The following SPATA16 variants were observed in gnomAD, a reference collection of about 807,000 sequenced individuals.
SPATA16 encodes the protein spermatogenesis-associated protein 16.
In SPATA16, 36 loss-of-function variants were observed where a neutral mutation model predicts 63.3. That is an observed-to-expected ratio of 0.57 (90% CI 0.44 to 0.75). The LOEUF (loss-of-function observed/expected upper bound fraction) is 0.75, where lower values mean the gene tolerates loss of function less well. Among genes scored for constraint, SPATA16 ranks in the 30% least tolerant of loss-of-function variants. SPATA16 has a pLI of 0.00. For synonymous variants in SPATA16, 203 were observed against 216.7 expected, an observed-to-expected ratio of 0.94 and a Z score of 0.56; for missense variants, 646 against 679.3, an observed-to-expected ratio of 0.95 and a Z score of 0.54.
intron 5 of SPATA16, 145 bp from the exon 6 acceptor site, chr3:172,956,969 T>C: frequency 1.1e-6 from 1 of 932,882 alleles, no homozygotes; most frequent in Non-Finnish European, 1.6e-6. Flanking sequence ...GAATATTCAT[T>C]AGAACAAAAT....
chr3:173,110,573 C>T (rs2108331525), intron 2 of SPATA16, among the ~76,000 whole-genome samples: 1 of 152,282 alleles, frequency 6.6e-6, no homozygotes, highest in Middle Eastern at 3.4e-3. Context: ...AGTACAGTGA[C>T]AACTTGTACA....
intron 2 of SPATA16, among the ~76,000 whole-genome samples, chr3:173,108,500 G>A (rs1257595318): frequency 1.3e-5 from 2 of 152,140 alleles, no homozygotes; most frequent in African/African-American, 4.8e-5. Context: ...CTGCTCCATA[G>A]TCAACCTGGG....
intron 5 of SPATA16, among the ~76,000 whole-genome samples, chr3:172,958,233 C>T (rs6776364): frequency 0.55 from 84,045 of 151,968 alleles, 23,528 homozygotes; most frequent in Admixed American, 0.58. Context: ...AATTGCTGGA[C>T]GTAGAGACCT....
chr3:173,015,754 AT>A (rs2108274227), intron 4 of SPATA16, among the ~76,000 whole-genome samples: 1 of 152,196 alleles, frequency 6.6e-6, no homozygotes, highest in East Asian at 1.9e-4. Flanking sequence ...AGACACCATG[AT>A]ACCTGTATTG....
At chr3:172,935,420 A>G (rs1732961342) in intron 6 of SPATA16, among the ~76,000 whole-genome samples, 1 of 152,254 alleles carries the variant, frequency 6.6e-6, no homozygotes, top group Admixed American at 6.5e-5. Flanking sequence ...ATTGTAAACA[A>G]TGGTTTGATC....
intron 3 of SPATA16, among the ~76,000 whole-genome samples, chr3:173,040,158 G>C (rs1188082302): frequency 6.6e-6 from 1 of 151,896 alleles, no homozygotes; most frequent in Non-Finnish European, 1.5e-5. Flanking sequence ...CCTCTAATAA[G>C]ATGTCTTAGC....
At position 172,916,431 on chromosome 3, in the gene SPATA16, G is replaced by T. The variant is rs1732489716; in HGVS notation, c.1389C>A (p.Ser463Arg). 2 of 1,613,834 alleles carry T rather than the reference G, an allele frequency of 1.2e-6. No homozygotes were observed. The highest frequency in any genetic ancestry group is 8.5e-7 in the Non-Finnish European group (1 of 1,179,792). ...TTACTCTCTGCAGCTGGCTGAGGAGGCTGGCATATTGCAACTTCTCCATCA... is the reference window on the plus strand; with the variant it reads ...TTACTCTCTGCAGCTGGCTGAGGAGTCTGGCATATTGCAACTTCTCCATCA... ...SGVMEKLQYASLLSQLQRVKE... is the reference protein window; with the variant it reads ...SGVMEKLQYARLLSQLQRVKE... The change falls in exon 9 of 11, where the codon AGC becomes AGA. Residue 463 changes from serine (S) to arginine (R), a missense_variant. Ser to Arg is a moderately radical substitution (Grantham distance 110). Transcript: ENST00000351008.
At chr3:172,990,979 A>C (rs1734562858) in intron 4 of SPATA16, among the ~76,000 whole-genome samples, 2 of 152,134 alleles carry the variant, frequency 1.3e-5, no homozygotes, top group Non-Finnish European at 1.5e-5. Flanking sequence ...CAGCAGCAGG[A>C]GAAGGGCAAA....
chr3:172,934,981 T>A (rs535247809), intron 6 of SPATA16, among the ~76,000 whole-genome samples: 239 of 152,242 alleles, frequency 1.6e-3, no homozygotes, highest in Middle Eastern at 3.4e-3. Context: ...GCTTTGGAAC[T>A]TTAGGACAAA....
chr3:173,010,275 G>A (rs1735037212), intron 4 of SPATA16, among the ~76,000 whole-genome samples: 1 of 152,128 alleles, frequency 6.6e-6, no homozygotes, highest in Admixed American at 6.5e-5. Context: ...AGGTTGGGAG[G>A]GAACAAAGAG....
chr3:173,016,955 A>G (rs1428480830), intron 4 of SPATA16, among the ~76,000 whole-genome samples: 2 of 151,798 alleles, frequency 1.3e-5, no homozygotes, highest in African/African-American at 4.8e-5. Flanking sequence ...TGGAGGTTAC[A>G]GTGAGCGCTG....
At chr3:172,931,830 T>G (rs2109587801) in intron 6 of SPATA16, among the ~76,000 whole-genome samples, 1 of 152,264 alleles carries the variant, frequency 6.6e-6, no homozygotes, top group Non-Finnish European at 1.5e-5. Context: ...GTAAAATAAT[T>G]TGTACTGTGT....
intron 3 of SPATA16, among the ~76,000 whole-genome samples, chr3:173,045,593 C>T (rs1178150785): frequency 6.6e-6 from 1 of 152,048 alleles, no homozygotes. Flanking sequence ...TAAATTCAGT[C>T]TAGTGAGTGG....
At chr3:172,951,918 A>T (rs1291220902) in intron 6 of SPATA16, among the ~76,000 whole-genome samples, 1 of 152,336 alleles carries the variant, frequency 6.6e-6, no homozygotes, top group East Asian at 1.9e-4. Context: ...TTCAAGGTAC[A>T]GATTGTACGA....
chr3:173,105,179 G>T (rs1216780062), intron 2 of SPATA16, among the ~76,000 whole-genome samples: 1 of 152,064 alleles, frequency 6.6e-6, no homozygotes, highest in Non-Finnish European at 1.5e-5. Context: ...ATAAAATTTT[G>T]CAGTAAAAAT....
chr3:173,116,391 A>T (rs572723781), intron 2 of SPATA16, among the ~76,000 whole-genome samples: 1 of 152,362 alleles, frequency 6.6e-6, no homozygotes, highest in African/African-American at 2.4e-5. Context: ...AAGCAAGGCC[A>T]ATGGTGCATA....
chr3:173,106,561 T>G (rs1295814701), intron 2 of SPATA16, among the ~76,000 whole-genome samples: 3 of 152,188 alleles, frequency 2.0e-5, no homozygotes, highest in Non-Finnish European at 2.9e-5. Context: ...TCCCAGTGGA[T>G]CCATTTGTCA....
chr3:172,967,656 AT>A (rs1560082685), intron 5 of SPATA16, among the ~76,000 whole-genome samples: 1 of 152,154 alleles, frequency 6.6e-6, no homozygotes, highest in African/African-American at 2.4e-5. Context: ...GTTGCTCCCC[AT>A]TGCTGGCATT....
chr3:173,088,080 G>T lies in SPATA16; in HGVS notation c.612+29040C>A, dbSNP rs868476999. ...TTTCTTTCTTTCTTTCTTTCTTTCTGTCTTTTCTTTTTTTTTTTTTTTTGA... is the reference window on the plus strand; with the variant it reads ...TTTCTTTCTTTCTTTCTTTCTTTCTTTCTTTTCTTTTTTTTTTTTTTTTGA... On this transcript the variant is annotated intron_variant, in intron 2 of 10. Transcript: ENST00000351008. Among the ~76,000 whole-genome samples the T allele has an allele frequency of 5.8e-3, 217 of 37,274 alleles. 1 individual carries two copies. Among genetic ancestry groups the T allele is most frequent in the Middle Eastern group, 0.018 (1 of 56 alleles). 24.5% of individuals were successfully genotyped at this position (37,274 alleles called of 152,430 possible). A position where few individuals can be genotyped will look rare whatever the true frequency, so the allele number is the denominator to read the frequency against.
Sources: gnomAD v4.1 joint callset for allele counts (sites outside exome capture counted in the v4.1 genomes callset) on GRCh38, gnomAD v4.1.1 for gene constraint, MANE v1.5 for transcripts, NCBI Gene and HGNC (gene_info 2026-07-23, HGNC 2026-07-21) for gene names.